Variants in PTTG1IP observed in about 807,000 individuals in gnomAD.
PTTG1IP encodes the protein PTTG1 interacting protein.
PTTG1IP carries 16 observed loss-of-function variants against 24.4 expected under a neutral mutation model. The ratio of observed to expected loss-of-function variants is 0.66; its 90% CI spans 0.44 to 1.00. PTTG1IP has a LOEUF of 1.00. PTTG1IP is among the 50% of genes least tolerant of loss of function. The pLI, the probability that PTTG1IP is intolerant of heterozygous loss-of-function variation, is 0.00. For synonymous variants in PTTG1IP, 89 were observed against 96.8 expected (o/e 0.92, Z 0.47); for missense variants, 241 against 245.8 (o/e 0.98, Z 0.13).
At chr21:44,867,651 G>C (rs1041955297) in intron 1 of PTTG1IP, among the ~76,000 whole-genome samples, 1 of 152,266 alleles carries the variant, frequency 6.6e-6, no homozygotes, top group South Asian at 2.1e-4. Context: ...GCTCACGTCT[G>C]TGACTGACAT....
intron 3 of PTTG1IP, among the ~76,000 whole-genome samples, chr21:44,858,329 G>A (rs547047153): frequency 6.6e-6 from 1 of 152,212 alleles, no homozygotes; most frequent in Non-Finnish European, 1.5e-5. Flanking sequence ...CCTAAAACGG[G>A]TATCATGTGC....
chr21:44,870,120 G>A (rs1383567440), intron 1 of PTTG1IP, among the ~76,000 whole-genome samples: 1 of 152,178 alleles, frequency 6.6e-6, no homozygotes, highest in East Asian at 1.9e-4. Flanking sequence ...GCTCCCAGCA[G>A]GCCAAGAACA....
At chr21:44,857,416 G>A (rs907815342) in intron 3 of PTTG1IP, among the ~76,000 whole-genome samples, 2 of 152,194 alleles carry the variant, frequency 1.3e-5, no homozygotes, top group Non-Finnish European at 2.9e-5. Flanking sequence ...GAGCTTGGGA[G>A]GTTGAGGCTG....
In PTTG1IP at chr21:44,851,234, T is replaced by C. The variant is rs1601239860; in HGVS notation, c.*347A>G. 8.8e-7 allele frequency: 1 copy of C among 1,138,868 alleles called. No individual in the cohort carries two copies. Among genetic ancestry groups the C allele is most frequent in the Non-Finnish European group, 1.2e-6 (1 of 830,194 alleles). 70.5% of individuals were successfully genotyped at this position (1,138,868 alleles called of 1,614,324 possible). On this transcript the variant is annotated 3_prime_UTR_variant, in exon 6 of 6. Coordinates refer to ENST00000330938, the MANE Select transcript of PTTG1IP (RefSeq NM_004339.4). ...TTAGTGGACAGAGAGAAACGCAGGG[T>C]TCTGCCCTGGGAGAATGACAGCCAC...
intron 5 of PTTG1IP, among the ~76,000 whole-genome samples, chr21:44,853,385 G>A (rs1197983909): frequency 6.6e-6 from 1 of 151,996 alleles, no homozygotes; most frequent in Non-Finnish European, 1.5e-5. Context: ...GTGGGCACCT[G>A]TAGTCCCAGC....
chr21:44,862,433 C>T (rs1290674593), intron 2 of PTTG1IP, among the ~76,000 whole-genome samples: 3 of 152,216 alleles, frequency 2.0e-5, no homozygotes, highest in African/African-American at 4.8e-5. Context: ...GCAGGAGAAT[C>T]GCTTGAGCCC....
chr21:44,851,798 TA>T (rs2083413331), intron 5 of PTTG1IP, among the ~76,000 whole-genome samples, 171 bp from the exon 6 acceptor site: 1 of 152,220 alleles, frequency 6.6e-6, no homozygotes, highest in African/African-American at 2.4e-5. Flanking sequence ...CAAACCACTT[TA>T]AACTTTAAAA....
intron 3 of PTTG1IP, among the ~76,000 whole-genome samples, chr21:44,860,486 A>G (rs1161277533): frequency 6.6e-6 from 1 of 152,110 alleles, no homozygotes; most frequent in African/African-American, 2.4e-5. Context: ...CTGTCTACGC[A>G]AGCAGGGATT....
Position 44,873,591 on chromosome 21 carries a change from G to A in PTTG1IP, c.26C>T (p.Pro9Leu). Residue 9 changes from proline to leucine, a missense_variant, in exon 1 of 6, where the codon CCG becomes CTG. Physicochemically the swap from Pro to Leu is moderately conservative, Grantham distance 98. Transcript: ENST00000330938. MAPGVARG[P>L]TPYWRLRLGG... ...GAGGCGCAACCTCCAGTACGGCGTC[G>A]GCCCGCGGGCCACTCCGGGCGCCAT... is the stretch of plus-strand genomic sequence containing the variant. 6.9e-7 allele frequency: 1 copy of A among 1,455,090 alleles called. No individual in the cohort carries two copies. Among genetic ancestry groups the A allele is most frequent in the Non-Finnish European group, 9.0e-7 (1 of 1,107,174 alleles). The allele number at this position is 1,455,090 out of a possible 1,614,324, so 90.1% of individuals were successfully genotyped here. A position where few individuals can be genotyped will look rare whatever the true frequency, so the allele number is the denominator to read the frequency against.
At chr21:44,855,826 C>G (rs953173337) in intron 4 of PTTG1IP, among the ~76,000 whole-genome samples, 1 of 152,184 alleles carries the variant, frequency 6.6e-6, no homozygotes, top group African/African-American at 2.4e-5. Context: ...GACAGGAGAG[C>G]TGACCCAGCC....
chr21:44,851,436 C>T lies in PTTG1IP; in HGVS notation c.*145G>A, dbSNP rs1343552697. 1.3e-6 allele frequency: 2 copies of T among 1,599,748 alleles called. No individual in the cohort carries two copies. Among genetic ancestry groups the T allele is most frequent in the Non-Finnish European group, 8.5e-7 (1 of 1,176,138 alleles). On this transcript the variant is annotated 3_prime_UTR_variant, in exon 6 of 6. Coordinates refer to ENST00000330938, the MANE Select transcript of PTTG1IP (RefSeq NM_004339.4). ...AGACGAGAGGACTGTCCTTCAGGGG[C>T]AGCTCTCCGGCCGCCTGTCCTGGAA...
chr21:44,855,822 A>G (rs1453941939), intron 4 of PTTG1IP, among the ~76,000 whole-genome samples: 2 of 152,158 alleles, frequency 1.3e-5, no homozygotes, highest in Non-Finnish European at 2.9e-5. Flanking sequence ...GGGCGACAGG[A>G]GAGCTGACCC....
chr21:44,851,884 G>C (rs982910061), intron 5 of PTTG1IP, among the ~76,000 whole-genome samples: 2 of 152,180 alleles, frequency 1.3e-5, no homozygotes, highest in Non-Finnish European at 2.9e-5. Flanking sequence ...GATGCTCGGC[G>C]AAGAAAAGAA....
rs7276639 is a variant in PTTG1IP, at chr21:44,869,126, C to G, written c.116-3679G>C. On this transcript the variant is annotated intron_variant, in intron 1 of 5. Coordinates refer to ENST00000330938, the MANE Select transcript of PTTG1IP (RefSeq NM_004339.4). The stretch of plus-strand genomic sequence containing the variant: ...GAGGGTCCTTCCACAAATTGGCTTT[C>G]TCAAGACAAAGAGGAACTATTCTAG... 8.9e-3 allele frequency among the ~76,000 whole-genome samples: 1,360 copies of G among 152,324 alleles called. 18 individuals are homozygous for G. Among genetic ancestry groups the G allele is most frequent in the African/African-American group, 0.031 (1,288 of 41,554 alleles).
intron 1 of PTTG1IP, chr21:44,873,006 G>C (rs572012255): frequency 1.3e-5 from 2 of 152,060 alleles, no homozygotes; most frequent in East Asian, 3.9e-4. Flanking sequence ...CGGCGTGAAC[G>C]CCGGCGGCTG....
chr21:44,870,544 A>AAAG (rs1555972837), intron 1 of PTTG1IP, among the ~76,000 whole-genome samples: 6 of 146,620 alleles, frequency 4.1e-5, no homozygotes, highest in African/African-American at 1.6e-4. Context: ...AAAAAAAAAA[A>AAAG]AAAAGAAAGG....
At position 44,861,177 on chromosome 21, in the gene PTTG1IP, C is replaced by G; in HGVS notation, c.263G>C (p.Trp88Ser). ...CAATGACTTACCCCAACAAACTCCC[C>G]AGCGTGCAGAGCTCAATTTACAAAG... is the stretch of plus-strand genomic sequence containing the variant. ...ASLCKLSSARWGVCWVNFEAL... is the reference protein window; with the variant it reads ...ASLCKLSSARSGVCWVNFEAL... Residue 88 changes from tryptophan (W) to serine (S), a missense_variant, in exon 3 of 6, where the codon TGG becomes TCG. By Grantham distance (177) the Trp-to-Ser change is radical. Coordinates refer to ENST00000330938, the MANE Select transcript of PTTG1IP (RefSeq NM_004339.4). The G allele has an allele frequency of 6.2e-7, 1 of 1,613,120 alleles. No individual in the cohort carries two copies. The highest frequency in any genetic ancestry group is 8.5e-7 in the Non-Finnish European group (1 of 1,179,450).
At chr21:44,873,355 G>T in intron 1 of PTTG1IP, 147 bp downstream of exon 1, 1 of 804,808 alleles carries the variant, frequency 1.2e-6, no homozygotes, top group Non-Finnish European at 1.6e-6. Context: ...GACCCTCGAG[G>T]AGCCTCCGTC....
chr21:44,856,431 C>A, intron 3 of PTTG1IP, 67 bp from the exon 4 acceptor site: 1 of 1,506,120 alleles, frequency 6.6e-7, no homozygotes, highest in Non-Finnish European at 9.0e-7. Context: ...CAGCAGCCTT[C>A]CCTCGCCCCT....
Sources: allele counts gnomAD v4.1 joint callset (sites outside exome capture counted in the v4.1 genomes callset), GRCh38; gene constraint gnomAD v4.1.1; transcripts MANE v1.5; gene names NCBI Gene and HGNC (gene_info 2026-07-23, HGNC 2026-07-21).